The following GRM5 variants were observed in gnomAD, a reference collection of about 807,000 sequenced individuals.
GRM5 encodes the protein metabotropic glutamate receptor 5.
In GRM5, 19 loss-of-function variants were observed where a neutral mutation model predicts 83.1. The ratio of observed to expected loss-of-function variants is 0.23; its 90% CI spans 0.16 to 0.34. The LOEUF (loss-of-function observed/expected upper bound fraction) is 0.34, where lower values mean the gene tolerates loss of function less well. Among genes scored for constraint, GRM5 ranks in the 10% least tolerant of loss-of-function variants. The pLI is 1.00. For missense variants in GRM5, 1,160 were observed against 1,588.3 expected (o/e 0.73, Z 4.58); for synonymous variants, 675 against 633.6 (o/e 1.07, Z -0.98).
rs557999791 is a variant in GRM5, at chr11:88,579,488, T to C, written c.1690+11113A>G. Among the ~76,000 whole-genome samples, 6 of 152,094 alleles carry C rather than the reference T, an allele frequency of 3.9e-5. No individual in the cohort carries two copies. The East Asian group carries it at 1.2e-3, about 29-fold the overall frequency. ...GAGGTAGAACTGGATATGAGGGGGG[T>C]TAGTTTGTAGTATTAAACGGGTTGC... On this transcript the variant is annotated intron_variant, in intron 7 of 9. Transcript: ENST00000305447.
At chr11:88,744,755 GA>G (rs1332809812) in intron 3 of GRM5, among the ~76,000 whole-genome samples, 1 of 152,056 alleles carries the variant, frequency 6.6e-6, no homozygotes, top group East Asian at 1.9e-4. Context: ...CCTGACTCAG[GA>G]ATCAACCCAT....
chr11:88,832,211 A>T (rs1944007818), intron 3 of GRM5, among the ~76,000 whole-genome samples: 1 of 152,246 alleles, frequency 6.6e-6, no homozygotes, highest in South Asian at 2.1e-4. Context: ...ACATGATCTT[A>T]CATATCTAGA....
intron 3 of GRM5, among the ~76,000 whole-genome samples, chr11:88,731,263 T>C (rs1941801024): frequency 6.6e-6 from 1 of 152,074 alleles, no homozygotes; most frequent in African/African-American, 2.4e-5. Flanking sequence ...GAGTCTCTAG[T>C]AATGTTAAAC....
chr11:88,863,730 CTTAA>C (rs1176950568), intron 2 of GRM5, among the ~76,000 whole-genome samples: 1 of 151,758 alleles, frequency 6.6e-6, no homozygotes, highest in Non-Finnish European at 1.5e-5. Context: ...TTTTTTATAG[CTTAA>C]TTATTGTTTA....
chr11:88,838,902 CACAT>C lies in GRM5; in HGVS notation c.911+11000_911+11003del, dbSNP rs750030038. Among the ~76,000 whole-genome samples, 760 of 147,818 alleles carry C rather than the reference CACAT, an allele frequency of 5.1e-3. 1 individual carries two copies. Among genetic ancestry groups the C allele is most frequent in the African/African-American group, 0.019 (725 of 39,028 alleles). Reference sequence around the variant, plus strand: ...ACACACACACACACACACACACACACACATACACACACAAACTTCCTTCTCCACT... The same window carrying C: ...ACACACACACACACACACACACACACACACACACAAACTTCCTTCTCCACT... On this transcript the variant is annotated intron_variant, in intron 3 of 9. Transcript: ENST00000305447.
At chr11:88,729,772 A>T (rs934902519) in intron 3 of GRM5, among the ~76,000 whole-genome samples, 1 of 152,174 alleles carries the variant, frequency 6.6e-6, no homozygotes, top group South Asian at 2.1e-4. Flanking sequence ...AAAAACAAGC[A>T]ATGGGGAAAG....
At chr11:88,947,035 T>C (rs1050419871) in intron 2 of GRM5, among the ~76,000 whole-genome samples, 16 of 152,268 alleles carry the variant, frequency 1.1e-4, no homozygotes, top group African/African-American at 3.8e-4. Flanking sequence ...AGAAAGCTTT[T>C]TGGCTTTAAA....
At chr11:88,654,303 GAAATAA>G (rs1939712553) in intron 3 of GRM5, among the ~76,000 whole-genome samples, 1 of 152,016 alleles carries the variant, frequency 6.6e-6, no homozygotes, top group Non-Finnish European at 1.5e-5. Flanking sequence ...CATTGTATTG[GAAATAA>G]AAATAAAAGG....
chr11:88,973,142 G>C (rs191148127), intron 2 of GRM5, among the ~76,000 whole-genome samples: 1 of 152,256 alleles, frequency 6.6e-6, no homozygotes, highest in South Asian at 2.1e-4. Flanking sequence ...TTAGGAAAAT[G>C]TAAGTGGGGT....
chr11:89,009,300 A>G (rs1224101269), intron 2 of GRM5, among the ~76,000 whole-genome samples: 1 of 152,180 alleles, frequency 6.6e-6, no homozygotes, highest in East Asian at 1.9e-4. Flanking sequence ...GGTATTCCTT[A>G]ACCTTTTCAA....
intron 4 of GRM5, among the ~76,000 whole-genome samples, chr11:88,634,284 T>A (rs1398397569): frequency 6.6e-6 from 1 of 152,152 alleles, no homozygotes; most frequent in Non-Finnish European, 1.5e-5. Flanking sequence ...TTATAAAAAA[T>A]ATTATTTTTC....
At chr11:88,916,145 C>T (rs1945587447) in intron 2 of GRM5, among the ~76,000 whole-genome samples, 1 of 152,138 alleles carries the variant, frequency 6.6e-6, no homozygotes, top group Admixed American at 6.6e-5. Context: ...GTTCCCCTTG[C>T]AGGAACACCA....
intron 2 of GRM5, among the ~76,000 whole-genome samples, chr11:88,941,494 GAGGAGGGGAGAGGAGGGGA>G: frequency 1.9e-5 from 2 of 102,826 alleles, no homozygotes; most frequent in South Asian, 3.5e-4. Flanking sequence ...GAGGAGGGGA[GAGGAGGGGAGAGGAGGGGA>G]GAGGAGAGAG....
chr11:88,997,333 T>TAAAAAAAAAAAAAAAAA, intron 2 of GRM5, among the ~76,000 whole-genome samples: 1 of 119,940 alleles, frequency 8.3e-6, no homozygotes, highest in Non-Finnish European at 1.8e-5. Context: ...GTCTCAAAAT[T>TAAAAAAAAAAAAAAAAA]AAAAAAAAAA....
chr11:88,731,340 C>T (rs761338065), intron 3 of GRM5, among the ~76,000 whole-genome samples: 12 of 152,070 alleles, frequency 7.9e-5, no homozygotes, highest in Non-Finnish European at 1.5e-4. Context: ...TATTATTCTA[C>T]TGCTTGAAAA....
chr11:88,816,535 T>A (rs1201088771), intron 3 of GRM5, among the ~76,000 whole-genome samples: 1 of 111,154 alleles, frequency 9.0e-6, no homozygotes, highest in African/African-American at 3.4e-5. Flanking sequence ...CAAGACTCCA[T>A]CTCAAAAAAA....
intron 1 of GRM5, among the ~76,000 whole-genome samples, chr11:89,055,033 A>T (rs565290031): frequency 6.6e-6 from 1 of 152,324 alleles, no homozygotes; most frequent in South Asian, 2.1e-4. Flanking sequence ...TTGAGACCTT[A>T]TCTCCTTCCA....
chr11:88,979,253 A>G (rs932153893), intron 2 of GRM5, among the ~76,000 whole-genome samples: 12 of 152,284 alleles, frequency 7.9e-5, no homozygotes, highest in African/African-American at 2.9e-4. Context: ...CTCTCAAGTC[A>G]TGGAGGGTCT....
intron 2 of GRM5, among the ~76,000 whole-genome samples, chr11:88,938,745 C>T (rs1490818266): frequency 6.6e-6 from 1 of 151,552 alleles, no homozygotes; most frequent in Admixed American, 6.6e-5. Context: ...GTAGGTCATT[C>T]ATTTGAATGT....
Sources: gnomAD v4.1 joint callset for allele counts (sites outside exome capture counted in the v4.1 genomes callset) on GRCh38, gnomAD v4.1.1 for gene constraint, MANE v1.5 for transcripts, NCBI Gene and HGNC (gene_info 2026-07-23, HGNC 2026-07-21) for gene names.